The following UNKL variants were observed in gnomAD, a reference collection of about 807,000 sequenced individuals.
The protein encoded by UNKL is unk like zinc finger.
A neutral mutation model predicts 78.0 loss-of-function variants in UNKL; 60 were observed. The observed-to-expected ratio is 0.77, with a 90% confidence interval of 0.63 to 0.95. UNKL has a LOEUF of 0.95. Ranked by LOEUF, UNKL falls within the 40% of genes least tolerant of loss-of-function variation. The probability of loss-of-function intolerance (pLI) is 0.00; values close to 1 mark genes in which losing one functional copy is unlikely to be tolerated. For missense variants in UNKL, 1,159 were observed against 1,045.7 expected (o/e 1.11, Z -1.49); for synonymous variants, 608 against 474.8 (o/e 1.28, Z -3.65).
At chr16:1,394,440 C>A (rs926303464) in intron 6 of UNKL, 5 of 688,226 alleles carry the variant, frequency 7.3e-6, no homozygotes, top group African/African-American at 7.0e-5. Flanking sequence ...TGGGGCCATT[C>A]CCGCAGCATC....
intron 10 of UNKL, among the ~76,000 whole-genome samples, chr16:1,383,248 G>C (rs1196430811): frequency 6.7e-6 from 1 of 149,102 alleles, no homozygotes; most frequent in Non-Finnish European, 1.5e-5. Flanking sequence ...CTCCAGCCTG[G>C]GCAACAAGAG....
At chr16:1,395,570 G>T (rs1288169777) in intron 6 of UNKL, 1 of 409,644 alleles carries the variant, frequency 2.4e-6, no homozygotes, top group Non-Finnish European at 5.0e-6. Flanking sequence ...TCTAGTGGAG[G>T]CACAGGCCTG....
intron 5 of UNKL, 133 bp from the exon 6 acceptor site, chr16:1,397,428 T>G: frequency 3.6e-6 from 3 of 844,088 alleles, no homozygotes; most frequent in Non-Finnish European, 1.5e-6. Flanking sequence ...CTTGGCTCCC[T>G]GCCCCCCACC....
intron 9 of UNKL, among the ~76,000 whole-genome samples, chr16:1,386,953 C>T (rs2036841903): frequency 1.3e-5 from 2 of 152,204 alleles, no homozygotes; most frequent in African/African-American, 4.8e-5. Flanking sequence ...CCCCCTCGTC[C>T]ATAATCCACT....
intron 6 of UNKL, chr16:1,395,517 G>A (rs1161623354): frequency 3.0e-6 from 1 of 332,586 alleles, no homozygotes; most frequent in African/African-American, 2.1e-5. Flanking sequence ...CTACACGGCT[G>A]GGTGTGAACA....
intron 4 of UNKL, among the ~76,000 whole-genome samples, chr16:1,400,160 CCT>C (rs2037454699): frequency 1.3e-5 from 2 of 152,096 alleles, no homozygotes; most frequent in African/African-American, 2.4e-5. Context: ...GTGGCTCACG[CCT>C]GTTATCCCAG....
At chr16:1,368,608 C>CAA (rs757374554) in intron 12 of UNKL, among the ~76,000 whole-genome samples, 2,573 of 42,034 alleles carry the variant, frequency 0.061, 521 homozygotes, top group Middle Eastern at 0.094. Context: ...GACTCCGTCT[C>CAA]AAAAAAAAAA....
At chr16:1,394,576 C>A (rs1184772704) in intron 6 of UNKL, 1 of 464,052 alleles carries the variant, frequency 2.2e-6, no homozygotes, top group Admixed American at 2.3e-5. Context: ...TGTGTCTGTT[C>A]CCTGATCAGA....
At chr16:1,367,565 T>TCCCTC (rs1176568856) in intron 13 of UNKL, 91 bp downstream of exon 13, 14 of 237,868 alleles carry the variant, frequency 5.9e-5, no homozygotes, top group Admixed American at 3.6e-4. Flanking sequence ...CGGCCCTCCC[T>TCCCTC]CCCTCCCCTC....
chr16:1,370,362 C>CA lies in UNKL; in HGVS notation c.1358-6_1358-5insT. ...AGCCGGCCAGCGACCTGGGACCTGG[C>CA]GGGGGCGGACCAGTCAGCGAAGGGA... is the stretch of plus-strand genomic sequence containing the variant. On this transcript the variant is annotated splice_region_variant and splice_polypyrimidine_tract_variant and intron_variant, in intron 11 of 14. Transcript: ENST00000389221. The CA allele has an allele frequency of 6.5e-7, 1 of 1,531,204 alleles. No individual in the cohort carries two copies. Among genetic ancestry groups the CA allele is most frequent in the Non-Finnish European group, 8.7e-7 (1 of 1,145,474 alleles). 94.9% of individuals were successfully genotyped at this position (1,531,204 alleles called of 1,614,324 possible).
chr16:1,377,813 C>T (rs907482468), intron 10 of UNKL, among the ~76,000 whole-genome samples: 8 of 152,148 alleles, frequency 5.3e-5, no homozygotes, highest in Non-Finnish European at 1.0e-4. Context: ...CCAGACACCA[C>T]GTGTGCAGGG....
intron 10 of UNKL, among the ~76,000 whole-genome samples, chr16:1,382,033 G>A (rs2036624641): frequency 1.3e-5 from 2 of 152,180 alleles, no homozygotes; most frequent in Admixed American, 6.5e-5. Context: ...GGGCTGGGAT[G>A]GAATGGGATG....
chr16:1,396,149 C>G (rs1862539816), intron 6 of UNKL, among the ~76,000 whole-genome samples: 1 of 151,758 alleles, frequency 6.6e-6, no homozygotes, highest in Admixed American at 6.6e-5. Context: ...ACCATGTTGA[C>G]CAGGCTGGTT....
In UNKL at chr16:1,381,966, C is replaced by T. The variant is rs142240323; in HGVS notation, c.1264+3242G>A. Reference sequence around the variant, plus strand: ...TTAAAAAATAAAACCCCAAAATGAACAAAAACAAACTCAGGGAAGGCCGTC... The same window carrying T: ...TTAAAAAATAAAACCCCAAAATGAATAAAAACAAACTCAGGGAAGGCCGTC... On this transcript the variant is annotated intron_variant, in intron 10 of 14. Coordinates refer to ENST00000389221, the MANE Select transcript of UNKL (RefSeq NM_001372107.1). Among the ~76,000 whole-genome samples the T allele has an allele frequency of 5.4e-4, 82 of 152,196 alleles. No homozygotes were observed. In the East Asian group the frequency reaches 0.014, roughly 27 times the overall value.
Position 1,382,258 on chromosome 16 carries a change from T to C in UNKL, c.1264+2950A>G, listed in dbSNP as rs113423499. 1.7e-3 allele frequency among the ~76,000 whole-genome samples: 257 copies of C among 152,336 alleles called. 3 individuals carry two copies. The highest frequency in any genetic ancestry group is 5.3e-3 in the African/African-American group (222 of 41,580). On this transcript the variant is annotated intron_variant, in intron 10 of 14. Transcript: ENST00000389221. ...CTAACAGGAGACATCCCACACCACA[T>C]GCTTCCTCCTCCATAGAGGCTCCGA...
intron 14 of UNKL, 78 bp from the exon 15 acceptor site, chr16:1,366,473 G>C (rs1011823696): frequency 6.9e-7 from 1 of 1,455,322 alleles, no homozygotes; most frequent in Non-Finnish European, 9.1e-7. Context: ...GGGCCTTCCG[G>C]GCAGGACTCA....
Position 1,400,417 on chromosome 16 carries a change from C to CAAAAAAA in UNKL, c.599-915_599-909dup, listed in dbSNP as rs56093103. 2.3e-4 allele frequency among the ~76,000 whole-genome samples: 7 copies of CAAAAAAA among 30,760 alleles called. 1 individual carries two copies. Among genetic ancestry groups the CAAAAAAA allele is most frequent in the African/African-American group, 6.2e-4 (7 of 11,202 alleles). 20.2% of individuals were successfully genotyped at this position (30,760 alleles called of 152,430 possible). On this transcript the variant is annotated intron_variant, in intron 4 of 14. Coordinates refer to ENST00000389221, the MANE Select transcript of UNKL (RefSeq NM_001372107.1). Reference sequence around the variant, plus strand: ...TGGGTGACAGAGCGAGACTCCATCTCAAAAAAAAAAAAAAAAAAAAAAAAA... The same window carrying CAAAAAAA: ...TGGGTGACAGAGCGAGACTCCATCTCAAAAAAAAAAAAAAAAAAAAAAAAAAAAAAAA...
At chr16:1,398,840 G>A (rs140096979) in intron 5 of UNKL, 1 of 1,564,610 alleles carries the variant, frequency 6.4e-7, no homozygotes, top group Non-Finnish European at 8.7e-7. Flanking sequence ...GACAGCTGGG[G>A]CTCAGGCGGT....
chr16:1,403,490 C>A lies in UNKL; in HGVS notation c.288-146G>T, dbSNP rs1488271777. On this transcript the variant is annotated intron_variant, in intron 2 of 14. Transcript: ENST00000389221. The surrounding 1 kb of genome is among the most constrained non-coding windows in gnomAD (Gnocchi z 4.8). ...TTCCTGTTCTAATCAGAAGGACGGA[C>A]ACACTGGACGCAGCACCTGTCCCCA... 2.8e-6 allele frequency: 3 copies of A among 1,053,220 alleles called. No homozygotes were observed. The East Asian group carries it at 7.9e-5, about 28-fold the overall frequency. The allele number at this position is 1,053,220 out of a possible 1,614,324, so 65.2% of individuals were successfully genotyped here. A position where few individuals can be genotyped will look rare whatever the true frequency, so the allele number is the denominator to read the frequency against.
Sources: allele counts gnomAD v4.1 joint callset (sites outside exome capture counted in the v4.1 genomes callset), GRCh38; gene constraint gnomAD v4.1.1; non-coding constraint Gnocchi (gnomAD v3.1); transcripts MANE v1.5; gene names NCBI Gene and HGNC (gene_info 2026-07-23, HGNC 2026-07-21).